The following CFAP52 variants were observed in gnomAD, a reference collection of about 807,000 sequenced individuals.
The protein encoded by CFAP52 is cilia- and flagella-associated protein 52.
A neutral mutation model predicts 70.5 loss-of-function variants in CFAP52; 57 were observed. That is an observed-to-expected ratio of 0.81 (90% CI 0.65 to 1.01). The LOEUF (loss-of-function observed/expected upper bound fraction) is 1.01. Ranked by LOEUF, CFAP52 falls within the 50% of genes least tolerant of loss-of-function variation. The pLI is 0.00. For synonymous variants in CFAP52, 267 were observed against 292.5 expected (o/e 0.91, Z 0.89); for missense variants, 785 against 788.5 (o/e 1.00, Z 0.05).
intron 8 of CFAP52, among the ~76,000 whole-genome samples, chr17:9,621,755 CA>C (rs1369776177): frequency 9.0e-6 from 1 of 110,888 alleles, no homozygotes; most frequent in Non-Finnish European, 1.8e-5. Context: ...ATCACAAGAA[CA>C]AAAAACCAAA....
chr17:9,576,823 C>G (rs545226350), intron 1 of CFAP52, 58 bp downstream of exon 1: 2 of 1,566,400 alleles, frequency 1.3e-6, no homozygotes, highest in East Asian at 4.6e-5. Flanking sequence ...ACGTGTAGTG[C>G]AAACAGGAAT....
chr17:9,636,253 G>GGAAAGAA (rs1597796801), intron 11 of CFAP52, among the ~76,000 whole-genome samples: 2 of 107,684 alleles, frequency 1.9e-5, no homozygotes, highest in East Asian at 4.1e-4. Context: ...GAAAGAAAGA[G>GGAAAGAA]AAAGAAAAAT....
chr17:9,628,283 T>C (rs1268978445), intron 8 of CFAP52, among the ~76,000 whole-genome samples: 1 of 127,698 alleles, frequency 7.8e-6, no homozygotes, highest in Admixed American at 7.5e-5. Flanking sequence ...CCCTATATTC[T>C]TTTTTTTTTT....
At chr17:9,614,841 TC>T (rs1909847155) in intron 8 of CFAP52, among the ~76,000 whole-genome samples, 1 of 152,132 alleles carries the variant, frequency 6.6e-6, no homozygotes, top group Admixed American at 6.5e-5. Context: ...TTGCCAAACT[TC>T]CCCTGGTGGC....
intron 8 of CFAP52, among the ~76,000 whole-genome samples, chr17:9,614,809 G>A (rs913351220): frequency 2.6e-5 from 4 of 152,072 alleles, no homozygotes; most frequent in Admixed American, 1.3e-4. Context: ...CAATTATGAC[G>A]ACCAAAAAAT....
chr17:9,628,626 G>A (rs1458692347), intron 8 of CFAP52, 46 bp from the exon 9 acceptor site: 1 of 1,594,400 alleles, frequency 6.3e-7, no homozygotes, highest in East Asian at 2.3e-5. Context: ...ATGCATCTGG[G>A]AAACTGCATC....
intron 5 of CFAP52, chr17:9,598,683 C>T (rs181935310): frequency 6.4e-6 from 1 of 156,790 alleles, no homozygotes; most frequent in Non-Finnish European, 1.4e-5. Flanking sequence ...ATTGCTTGAA[C>T]CTGGGAGGCG....
intron 12 of CFAP52, 31 bp downstream of exon 12, chr17:9,638,742 T>C (rs752053191): frequency 1.2e-6 from 2 of 1,607,360 alleles, no homozygotes; most frequent in South Asian, 2.2e-5. Context: ...ATGAGATCTT[T>C]CCAGCGCAAG....
At chr17:9,590,450 G>T in intron 3 of CFAP52, 1 of 199,466 alleles carries the variant, frequency 5.0e-6, no homozygotes, top group Non-Finnish European at 1.1e-5. Flanking sequence ...GGGCACTAGA[G>T]GCAAGCCCCT....
intron 6 of CFAP52, among the ~76,000 whole-genome samples, chr17:9,603,747 G>A (rs1172323568): frequency 6.6e-6 from 1 of 152,168 alleles, no homozygotes; most frequent in African/African-American, 2.4e-5. Context: ...ATGACGGGTT[G>A]ATGGGTGCAG....
rs79577119 is a variant in CFAP52 at position 9,606,534 on chromosome 17, C to T, written c.754-1585C>T. On this transcript the variant is annotated intron_variant, in intron 6 of 13. Transcript: ENST00000352665. The stretch of plus-strand genomic sequence containing the variant: ...AATGAGATAGGTACCATTTTCATCC[C>T]TGCTTTACAGATGAGAAAACTGAGG... 3.4e-3 allele frequency among the ~76,000 whole-genome samples: 513 copies of T among 152,280 alleles called. 2 individuals are homozygous for T. Among genetic ancestry groups the T allele is most frequent in the African/African-American group, 0.012 (496 of 41,568 alleles).
chr17:9,627,149 G>A (rs1350489739), intron 8 of CFAP52, among the ~76,000 whole-genome samples: 1 of 151,258 alleles, frequency 6.6e-6, no homozygotes, highest in Admixed American at 6.6e-5. Context: ...ACAAAAGAAG[G>A]GTTTTGGGTT....
chr17:9,632,888 C>A lies in CFAP52; in HGVS notation c.1175C>A (p.Ala392Glu). The A allele has an allele frequency of 6.2e-7, 1 of 1,613,868 alleles. No individual in the cohort carries two copies. Among genetic ancestry groups the A allele is most frequent in the Non-Finnish European group, 8.5e-7 (1 of 1,179,842 alleles). The change falls in exon 10 of 14, where the codon GCA becomes GAA. Residue 392 changes from alanine to glutamate, a missense_variant and splice_region_variant. Coordinates refer to ENST00000352665, the MANE Select transcript of CFAP52 (RefSeq NM_145054.5). ...GCCTTTTGTTTCCCTTTCATGCCAG[C>A]ATGGAACGACGGTAAAATCCGAGCC... ...FMRDGKSIISAWNDGKIRAFA... is the reference protein window; with the variant it reads ...FMRDGKSIISEWNDGKIRAFA...
chr17:9,632,769 C>T, intron 9 of CFAP52, 119 bp from the exon 10 acceptor site: 2 of 1,405,450 alleles, frequency 1.4e-6, no homozygotes, highest in Admixed American at 2.4e-5. Flanking sequence ...CTGAGCTGGT[C>T]TCTTTCCTCC....
rs374232029 is a variant in CFAP52, at chr17:9,607,456, CT to C, written c.754-655del. Among the ~76,000 whole-genome samples the C allele has an allele frequency of 3.3e-3, 508 of 152,198 alleles. 2 individuals are homozygous for C. The highest frequency in any genetic ancestry group is 0.012 in the African/African-American group (490 of 41,538). On this transcript the variant is annotated intron_variant, in intron 6 of 13. Coordinates refer to ENST00000352665, the MANE Select transcript of CFAP52 (RefSeq NM_145054.5). ...AAACAACCATCATACATTGTCAAGC[CT>C]TTTTTTTCTTTGGAGAGAATGGTGG...
intron 2 of CFAP52, 105 bp from the exon 3 acceptor site, chr17:9,586,586 GAAAGAAA>G (rs1908494274): frequency 1.0e-6 from 1 of 990,306 alleles, no homozygotes; most frequent in African/African-American, 1.9e-5. Context: ...AAAAAAAAAA[GAAAGAAA>G]AAAGAAAAGT....
intron 8 of CFAP52, among the ~76,000 whole-genome samples, chr17:9,616,152 C>G (rs541310723): frequency 1.4e-5 from 2 of 141,926 alleles, no homozygotes; most frequent in Non-Finnish European, 3.0e-5. Flanking sequence ...GCACCGTGCG[C>G]GAGCCGAAGC....
At chr17:9,601,382 G>A (rs897257369) in intron 6 of CFAP52, among the ~76,000 whole-genome samples, 5 of 151,864 alleles carry the variant, frequency 3.3e-5, no homozygotes, top group African/African-American at 1.2e-4. Context: ...TGCACGTTGT[G>A]CACATGTACC....
intron 8 of CFAP52, among the ~76,000 whole-genome samples, chr17:9,616,279 C>T (rs1157096543): frequency 1.4e-5 from 2 of 141,858 alleles, no homozygotes; most frequent in Non-Finnish European, 3.0e-5. Context: ...CCGAATATTG[C>T]GCTTTTCAGA....
Sources: allele counts gnomAD v4.1 joint callset (sites outside exome capture counted in the v4.1 genomes callset), GRCh38; gene constraint gnomAD v4.1.1; transcripts MANE v1.5; gene names NCBI Gene and HGNC (gene_info 2026-07-23, HGNC 2026-07-21).